The following GALNTL6 variants were observed in gnomAD, a reference collection of about 807,000 sequenced individuals.
GALNTL6 encodes the protein polypeptide N-acetylgalactosaminyltransferase-like 6.
In GALNTL6, 46 loss-of-function variants were observed where a neutral mutation model predicts 73.7. The ratio of observed to expected loss-of-function variants is 0.62; its 90% CI spans 0.49 to 0.80. GALNTL6 has a LOEUF of 0.80. Among genes scored for constraint, GALNTL6 ranks in the 30% least tolerant of loss-of-function variants. The pLI is 0.00. For missense variants in GALNTL6, 604 were observed against 755.0 expected (o/e 0.80, Z 2.34); for synonymous variants, 259 against 263.7 (o/e 0.98, Z 0.17).
At chr4:172,091,601 C>A (rs1732204000) in intron 2 of GALNTL6, among the ~76,000 whole-genome samples, 1 of 152,106 alleles carries the variant, frequency 6.6e-6, no homozygotes, top group Non-Finnish European at 1.5e-5. Context: ...ACATGACGTT[C>A]CAGTCAAAGC....
chr4:172,710,867 C>G (rs192529656), intron 5 of GALNTL6, among the ~76,000 whole-genome samples: 4 of 152,132 alleles, frequency 2.6e-5, no homozygotes, highest in African/African-American at 9.6e-5. Context: ...GCAGTACAAC[C>G]TTAGTTATGT....
chr4:172,506,207 C>T lies in GALNTL6; in HGVS notation c.553+157518C>T, dbSNP rs1484683040. On this transcript the variant is annotated intron_variant, in intron 5 of 12. Coordinates refer to ENST00000506823, the MANE Select transcript of GALNTL6 (RefSeq NM_001034845.3). ...CAGCACCTGCATACCAGTGAAACTACTGATGTCAGCTGATATGAATGTCTC... is the reference window on the plus strand; with the variant it reads ...CAGCACCTGCATACCAGTGAAACTATTGATGTCAGCTGATATGAATGTCTC... Among the ~76,000 whole-genome samples the T allele has an allele frequency of 3.7e-5, 2 of 54,268 alleles. 1 individual carries two copies. Among genetic ancestry groups the T allele is most frequent in the African/African-American group, 9.3e-5 (2 of 21,610 alleles). 35.6% of individuals were successfully genotyped at this position (54,268 alleles called of 152,430 possible). A position where few individuals can be genotyped will look rare whatever the true frequency, so the allele number is the denominator to read the frequency against.
At chr4:172,356,239 C>T (rs1742149760) in intron 5 of GALNTL6, among the ~76,000 whole-genome samples, 1 of 152,154 alleles carries the variant, frequency 6.6e-6, no homozygotes, top group African/African-American at 2.4e-5. Flanking sequence ...AATAGAATGT[C>T]ACCAGTGTGA....
At chr4:172,400,672 T>C (rs1744005093) in intron 5 of GALNTL6, among the ~76,000 whole-genome samples, 1 of 151,820 alleles carries the variant, frequency 6.6e-6, no homozygotes, top group Admixed American at 6.6e-5. Flanking sequence ...GTCATGGAGA[T>C]GGGAGGAGAG....
At chr4:172,984,036 T>C (rs1162179667) in intron 10 of GALNTL6, among the ~76,000 whole-genome samples, 1 of 152,070 alleles carries the variant, frequency 6.6e-6, no homozygotes, top group Non-Finnish European at 1.5e-5. Flanking sequence ...CAAGCTCCCA[T>C]GTGTTTGTGC....
intron 5 of GALNTL6, among the ~76,000 whole-genome samples, chr4:172,353,954 G>A (rs1742057299): frequency 6.6e-6 from 1 of 152,038 alleles, no homozygotes; most frequent in South Asian, 2.1e-4. Flanking sequence ...TATACATTAA[G>A]GAAAGTTTCC....
chr4:171,841,947 C>T (rs1735249073), intron 2 of GALNTL6, among the ~76,000 whole-genome samples: 2 of 151,828 alleles, frequency 1.3e-5, no homozygotes, highest in Non-Finnish European at 2.9e-5. Flanking sequence ...TAAAATAAGG[C>T]ATGAAAATAA....
chr4:171,851,310 T>G lies in GALNTL6; in HGVS notation c.138+36592T>G, dbSNP rs201914028. Among the ~76,000 whole-genome samples the G allele has an allele frequency of 5.3e-5, 8 of 152,184 alleles. No individual in the cohort carries two copies. In the East Asian group the frequency reaches 1.5e-3, roughly 29 times the overall value. On this transcript the variant is annotated intron_variant, in intron 2 of 12. Transcript: ENST00000506823. Reference sequence around the variant, plus strand: ...CTTATTGTTTTCTCTTTTGGTAGAATCAGTCAAAAGAATATCATCCCAGTA... The same window carrying G: ...CTTATTGTTTTCTCTTTTGGTAGAAGCAGTCAAAAGAATATCATCCCAGTA...
chr4:172,351,177 ATCTG>A (rs71592071), intron 5 of GALNTL6, among the ~76,000 whole-genome samples: 51 of 146,662 alleles, frequency 3.5e-4, no homozygotes, highest in African/African-American at 1.3e-3. Context: ...ATCCACAATA[ATCTG>A]TCTATCTATC....
intron 5 of GALNTL6, among the ~76,000 whole-genome samples, chr4:172,374,290 C>G (rs1438908707): frequency 6.6e-6 from 1 of 152,166 alleles, no homozygotes; most frequent in Non-Finnish European, 1.5e-5. Flanking sequence ...CTCGCTTTTC[C>G]TTTTGGGCCT....
chr4:172,288,383 G>A (rs1427937417), intron 3 of GALNTL6, among the ~76,000 whole-genome samples: 2 of 152,096 alleles, frequency 1.3e-5, no homozygotes, highest in African/African-American at 2.4e-5. Context: ...GAGCCACAGC[G>A]CCTGGCCGAA....
chr4:171,886,259 T>C (rs1239092323), intron 2 of GALNTL6, among the ~76,000 whole-genome samples: 1 of 152,152 alleles, frequency 6.6e-6, no homozygotes, highest in Non-Finnish European at 1.5e-5. Context: ...TTTTAGAACA[T>C]GATAAATTAT....
chr4:171,892,750 G>T (rs540487403), intron 2 of GALNTL6, among the ~76,000 whole-genome samples: 2 of 152,028 alleles, frequency 1.3e-5, no homozygotes, highest in East Asian at 3.9e-4. Context: ...AATTTGTATA[G>T]ACGAGGTCTT....
At chr4:171,986,480 T>C (rs951197885) in intron 2 of GALNTL6, among the ~76,000 whole-genome samples, 1 of 152,134 alleles carries the variant, frequency 6.6e-6, no homozygotes, top group Admixed American at 6.5e-5. Context: ...TGTCTTCTTA[T>C]ATTAATAAGA....
intron 5 of GALNTL6, among the ~76,000 whole-genome samples, chr4:172,742,864 C>A (rs964766310): frequency 1.3e-5 from 2 of 152,042 alleles, no homozygotes; most frequent in Non-Finnish European, 2.9e-5. Flanking sequence ...TATCAGCAGA[C>A]CTGAGTCTAG....
At chr4:172,339,313 A>ACG (rs1190541364) in intron 4 of GALNTL6, among the ~76,000 whole-genome samples, 14 of 142,286 alleles carry the variant, frequency 9.8e-5, no homozygotes, top group African/African-American at 3.6e-4. Context: ...ACACACACAC[A>ACG]CAGAGTTTCC....
intron 7 of GALNTL6, among the ~76,000 whole-genome samples, chr4:172,814,568 T>C (rs185976320): frequency 2.2e-4 from 33 of 152,182 alleles, no homozygotes; most frequent in Non-Finnish European, 4.6e-4. Context: ...TATGTTTTTC[T>C]TAGTACAAGA....
At chr4:172,445,540 A>C (rs1043710623) in intron 5 of GALNTL6, among the ~76,000 whole-genome samples, 1 of 152,184 alleles carries the variant, frequency 6.6e-6, no homozygotes, top group Non-Finnish European at 1.5e-5. Context: ...CTGTCTTTGT[A>C]GAGACAAAAT....
intron 3 of GALNTL6, among the ~76,000 whole-genome samples, chr4:172,286,968 C>T (rs1739278571): frequency 6.6e-6 from 1 of 152,124 alleles, no homozygotes; most frequent in Non-Finnish European, 1.5e-5. Flanking sequence ...AATCTTTCAC[C>T]CCTGCCCTCC....
Sources: allele counts gnomAD v4.1 joint callset (sites outside exome capture counted in the v4.1 genomes callset), GRCh38; gene constraint gnomAD v4.1.1; transcripts MANE v1.5; gene names NCBI Gene and HGNC (gene_info 2026-07-23, HGNC 2026-07-21).